Variants in B3GALT1 observed in about 807,000 individuals in gnomAD.
The protein encoded by B3GALT1 is UDP-Gal:betaGlcNAc beta 1,3-galactosyltransferase, polypeptide 1.
In B3GALT1, 10 loss-of-function variants were observed where a neutral mutation model predicts 23.2. That is an observed-to-expected ratio of 0.43 (90% CI 0.27 to 0.73). The LOEUF (loss-of-function observed/expected upper bound fraction) is 0.73, where lower values mean the gene tolerates loss of function less well. Among genes scored for constraint, B3GALT1 ranks in the 30% least tolerant of loss-of-function variants. The pLI is 0.21. For synonymous variants in B3GALT1, 156 were observed against 141.5 expected (o/e 1.10, Z -0.73); for missense variants, 299 against 405.4 (o/e 0.74, Z 2.25).
intron 1 of B3GALT1, among the ~76,000 whole-genome samples, chr2:167,330,168 T>C (rs1203373261): frequency 2.0e-5 from 3 of 151,394 alleles, no homozygotes; most frequent in Non-Finnish European, 2.9e-5. Flanking sequence ...TTTGGTTGCT[T>C]TATGGTGTCC....
At position 167,869,380 on chromosome 2, in the gene B3GALT1, C is replaced by A; in HGVS notation, c.341C>A (p.Thr114Asn). ...AACTTTAAGGGGATCAAGATAGCCA[C>A]CCTGTTCCTCCTGGGCAAGAATGCT... ...ENNFKGIKIA[T>N]LFLLGKNADP... Residue 114 changes from threonine (T) to asparagine (N), a missense_variant, in exon 5 of 5, where the codon ACC becomes AAC. Physicochemically the swap from Thr to Asn is moderately conservative, Grantham distance 65. Coordinates refer to ENST00000392690, the MANE Select transcript of B3GALT1 (RefSeq NM_020981.4). This position sits in a 1 kb window ranked among gnomAD's most constrained non-coding sequence, Gnocchi z 6.4. The A allele has an allele frequency of 6.2e-7, 1 of 1,614,116 alleles. No homozygotes were observed. The highest frequency in any genetic ancestry group is 8.5e-7 in the Non-Finnish European group (1 of 1,180,022).
chr2:167,501,437 CAA>C (rs1479421005), intron 2 of B3GALT1, among the ~76,000 whole-genome samples: 1 of 151,812 alleles, frequency 6.6e-6, no homozygotes, highest in East Asian at 1.9e-4. Context: ...GTTCAAATCT[CAA>C]GTTTTCAGTT....
intron 2 of B3GALT1, among the ~76,000 whole-genome samples, chr2:167,616,431 G>A (rs1041134757): frequency 2.6e-5 from 4 of 152,004 alleles, no homozygotes; most frequent in African/African-American, 7.2e-5. Flanking sequence ...GGCCAGGCAC[G>A]GTGGCTCACA....
intron 1 of B3GALT1, among the ~76,000 whole-genome samples, chr2:167,360,401 G>T (rs1012491100): frequency 6.6e-6 from 1 of 152,132 alleles, no homozygotes; most frequent in East Asian, 1.9e-4. Context: ...TACTTTTGTT[G>T]TAGAAACACA....
intron 1 of B3GALT1, among the ~76,000 whole-genome samples, chr2:167,328,499 A>G (rs1696928784): frequency 6.6e-6 from 1 of 152,064 alleles, no homozygotes; most frequent in Non-Finnish European, 1.5e-5. Flanking sequence ...GTTCATTCAC[A>G]TATTTTGTTC....
intron 1 of B3GALT1, among the ~76,000 whole-genome samples, chr2:167,460,228 C>T (rs191343930): frequency 6.6e-6 from 1 of 152,256 alleles, no homozygotes; most frequent in East Asian, 1.9e-4. Flanking sequence ...TCTGGGAGTT[C>T]AACAACACAT....
intron 1 of B3GALT1, among the ~76,000 whole-genome samples, chr2:167,323,974 A>G (rs6726067): frequency 0.82 from 123,965 of 151,828 alleles, 51,725 homozygotes; most frequent in Non-Finnish European, 0.91. Flanking sequence ...TTGAAATTTG[A>G]TCAATGTTGC....
intron 4 of B3GALT1, among the ~76,000 whole-genome samples, chr2:167,858,158 T>C: frequency 6.6e-6 from 1 of 152,140 alleles, no homozygotes; most frequent in African/African-American, 2.4e-5. Flanking sequence ...AAATTCTATG[T>C]CACATTAGTG....
chr2:167,859,796 TTATC>T (rs1297138390), intron 4 of B3GALT1, among the ~76,000 whole-genome samples: 1 of 152,180 alleles, frequency 6.6e-6, no homozygotes, highest in Non-Finnish European at 1.5e-5. Context: ...AATTAGCTCT[TTATC>T]TATCTAAGGC....
chr2:167,396,878 A>C (rs1336710472), intron 1 of B3GALT1, among the ~76,000 whole-genome samples: 1 of 152,110 alleles, frequency 6.6e-6, no homozygotes, highest in Non-Finnish European at 1.5e-5. Flanking sequence ...CAAGCGAAGA[A>C]GGTCCTCATA....
At chr2:167,577,998 TAAAGC>T (rs1303544493) in intron 2 of B3GALT1, among the ~76,000 whole-genome samples, 2 of 152,066 alleles carry the variant, frequency 1.3e-5, no homozygotes, top group East Asian at 3.9e-4. Flanking sequence ...CTTGCATAAA[TAAAGC>T]AATCAAAAAT....
At chr2:167,863,896 A>G (rs1162451003) in intron 4 of B3GALT1, among the ~76,000 whole-genome samples, 1 of 152,050 alleles carries the variant, frequency 6.6e-6, no homozygotes, top group Non-Finnish European at 1.5e-5. Context: ...GTATTGTCTA[A>G]GATGTAATAC....
At chr2:167,818,286 C>A (rs1008629872) in intron 3 of B3GALT1, among the ~76,000 whole-genome samples, 2 of 152,190 alleles carry the variant, frequency 1.3e-5, no homozygotes, top group Non-Finnish European at 2.9e-5. Flanking sequence ...GCCTGTTTAT[C>A]TTTGTGGCAT....
chr2:167,310,065 C>T (rs1204827912), intron 1 of B3GALT1, among the ~76,000 whole-genome samples: 1 of 151,964 alleles, frequency 6.6e-6, no homozygotes, highest in Non-Finnish European at 1.5e-5. Flanking sequence ...TAATTTTTTA[C>T]ACAGGATGCA....
intron 1 of B3GALT1, among the ~76,000 whole-genome samples, chr2:167,380,757 G>A (rs933045466): frequency 5.9e-5 from 9 of 152,086 alleles, no homozygotes; most frequent in Non-Finnish European, 1.0e-4. Flanking sequence ...TGGGTTGTTC[G>A]GTCCTTGGGG....
intron 2 of B3GALT1, among the ~76,000 whole-genome samples, chr2:167,597,643 G>A (rs576954241): frequency 1.1e-4 from 17 of 152,234 alleles, no homozygotes; most frequent in East Asian, 1.9e-4. Flanking sequence ...AAAGCCCTCC[G>A]TGTTGCCTGA....
chr2:167,358,552 T>A (rs914679196), intron 1 of B3GALT1, among the ~76,000 whole-genome samples: 2 of 151,912 alleles, frequency 1.3e-5, no homozygotes, highest in African/African-American at 4.8e-5. Flanking sequence ...AATAATGAAC[T>A]TTTTTTTAGT....
In B3GALT1 at chr2:167,293,045, T is replaced by C. The variant is rs1696275654; in HGVS notation, c.-800T>C. 1 of 151,746 alleles carries C rather than the reference T, an allele frequency of 6.6e-6. No individual in the cohort carries two copies. The highest frequency in any genetic ancestry group is 2.4e-5 in the African/African-American group (1 of 41,504). The allele number at this position is 151,746 out of a possible 1,614,324, so 9.4% of individuals were successfully genotyped here. On this transcript the variant is annotated 5_prime_UTR_variant, in exon 1 of 5. Coordinates refer to ENST00000392690, the MANE Select transcript of B3GALT1 (RefSeq NM_020981.4). The stretch of plus-strand genomic sequence containing the variant: ...CGCAGCCGGGCTCGGGTGCTTCGGC[T>C]GCCGCCGCGGCTGCTCGGCTAGTGC...
intron 2 of B3GALT1, among the ~76,000 whole-genome samples, chr2:167,528,635 T>G (rs1683265216): frequency 6.6e-6 from 1 of 152,182 alleles, no homozygotes; most frequent in Non-Finnish European, 1.5e-5. Flanking sequence ...TAAAATGTAC[T>G]TAATGAAATA....
Sources: allele counts gnomAD v4.1 joint callset (sites outside exome capture counted in the v4.1 genomes callset), GRCh38; gene constraint gnomAD v4.1.1; non-coding constraint Gnocchi (gnomAD v3.1); transcripts MANE v1.5; gene names NCBI Gene and HGNC (gene_info 2026-07-23, HGNC 2026-07-21).